The following POU1F1 variants were observed in gnomAD, a reference collection of about 807,000 sequenced individuals.
The protein encoded by POU1F1 is pituitary-specific positive transcription factor 1.
Under a neutral mutation model 32.3 loss-of-function variants are expected in POU1F1, and 23 were observed. That is an observed-to-expected ratio of 0.71 (90% CI 0.51 to 1.01). The LOEUF is 1.01. POU1F1 is among the 50% of genes least tolerant of loss of function. POU1F1 has a pLI of 0.00. For missense variants in POU1F1, 323 were observed against 341.6 expected (o/e 0.95, Z 0.43); for synonymous variants, 120 against 115.6 (o/e 1.04, Z -0.25).
intron 2 of POU1F1, among the ~76,000 whole-genome samples, chr3:87,266,985 A>G (rs1179949900): frequency 6.6e-6 from 1 of 152,128 alleles, no homozygotes; most frequent in Non-Finnish European, 1.5e-5. Context: ...AGTACAAAGA[A>G]AAGCCAGGCT....
intron 2 of POU1F1, among the ~76,000 whole-genome samples, chr3:87,273,098 A>G (rs879561809): frequency 8.5e-5 from 13 of 152,168 alleles, no homozygotes; most frequent in Non-Finnish European, 1.5e-4. Context: ...GAATTTCAAT[A>G]AAAACCATAC....
chr3:87,265,187 C>G (rs542264139), intron 2 of POU1F1, among the ~76,000 whole-genome samples: 1 of 151,698 alleles, frequency 6.6e-6, no homozygotes, highest in African/African-American at 2.4e-5. Context: ...CTTAAAAGTT[C>G]TATTAAAAAG....
chr3:87,276,440 G>A lies in POU1F1; in HGVS notation c.23C>T (p.Ser8Leu), dbSNP rs1312054803. The A allele has an allele frequency of 3.7e-6, 6 of 1,613,772 alleles. No individual in the cohort carries two copies. Among genetic ancestry groups the A allele is most frequent in the South Asian group, 1.1e-5 (1 of 91,070 alleles). Residue 8 changes from serine to leucine, a missense_variant, in exon 1 of 6, where the codon TCG (serine) becomes TTG (leucine). By Grantham distance (145) the Ser-to-Leu change is moderately radical (BLOSUM62 -2). Transcript: ENST00000350375. Reference sequence around the variant, plus strand: ...ATTCAGAGGTATAAAGGTATCAGCCGAAGTAAAAGCTTGGCAACTCATTCC... The same window carrying A: ...ATTCAGAGGTATAAAGGTATCAGCCAAAGTAAAAGCTTGGCAACTCATTCC... MSCQAFT[S>L]ADTFIPLNSD...
At chr3:87,264,561 C>T (rs1706581578) in intron 2 of POU1F1, 49 bp from the exon 3 acceptor site, 1 of 1,420,718 alleles carries the variant, frequency 7.0e-7, no homozygotes, top group East Asian at 2.3e-5. Context: ...TGTCATTCTC[C>T]TTATTTCTAT....
At chr3:87,265,903 A>C (rs916761339) in intron 2 of POU1F1, among the ~76,000 whole-genome samples, 2 of 151,778 alleles carry the variant, frequency 1.3e-5, no homozygotes, top group Non-Finnish European at 2.9e-5. Flanking sequence ...TATAAGCAAG[A>C]CATTTTTATA....
rs1415392829 is a variant in POU1F1, at chr3:87,259,434, A to T, written c.*460T>A. On this transcript the variant is annotated 3_prime_UTR_variant, in exon 6 of 6. Coordinates refer to ENST00000350375, the MANE Select transcript of POU1F1 (RefSeq NM_000306.4). ...GACACCTCCAGCTCTTAAGTTCAAA[A>T]CTTTTAGTTCAGACAAATTAGTAGA... The T allele has an allele frequency of 6.2e-6, 1 of 160,784 alleles. No homozygotes were observed. Among genetic ancestry groups the T allele is most frequent in the Non-Finnish European group, 1.4e-5 (1 of 73,958 alleles). 10.0% of individuals were successfully genotyped at this position (160,784 alleles called of 1,614,324 possible).
rs535275095 is a variant in POU1F1 at position 87,274,979 on chromosome 3, C to T, written c.142+1342G>A. ...ATTAGATTTTACTAGATTATTACCT[C>T]GATTCTGAATTGTATTTTCATGCTG... On this transcript the variant is annotated intron_variant, in intron 1 of 5. Coordinates refer to ENST00000350375, the MANE Select transcript of POU1F1 (RefSeq NM_000306.4). Among the ~76,000 whole-genome samples the T allele has an allele frequency of 1.1e-3, 168 of 151,866 alleles. 1 individual carries two copies. The highest frequency in any genetic ancestry group is 1.0e-3 in the Non-Finnish European group (71 of 67,792).
At chr3:87,264,637 T>G (rs1377826992) in intron 2 of POU1F1, 125 bp from the exon 3 acceptor site, 1 of 737,400 alleles carries the variant, frequency 1.4e-6, no homozygotes, top group African/African-American at 1.8e-5. Context: ...ACTTACAAGG[T>G]TACCTTACAT....
chr3:87,269,113 A>G (rs1164846789), intron 2 of POU1F1, among the ~76,000 whole-genome samples: 3 of 152,196 alleles, frequency 2.0e-5, no homozygotes, highest in Admixed American at 2.0e-4. Flanking sequence ...ATATTTCCAT[A>G]TATTCCCCTC....
chr3:87,276,296 T>A (rs769482604), intron 1 of POU1F1, 25 bp downstream of exon 1: 2 of 1,611,144 alleles, frequency 1.2e-6, no homozygotes, highest in Admixed American at 3.3e-5. Context: ...CCCGGTCATA[T>A]GTAAACTGTC....
At chr3:87,273,319 A>G (rs745918881) in intron 2 of POU1F1, 28 bp downstream of exon 2, 13 of 1,597,566 alleles carry the variant, frequency 8.1e-6, no homozygotes, top group South Asian at 1.1e-5. Flanking sequence ...CCCAAATTCA[A>G]TAACATGTAA....
intron 1 of POU1F1, 106 bp downstream of exon 1, chr3:87,276,215 G>A: frequency 1.5e-6 from 2 of 1,379,296 alleles, no homozygotes; most frequent in Admixed American, 3.4e-5. Context: ...TTAAATTGGA[G>A]GGGTAAAATG....
chr3:87,274,893 C>A (rs1293741668), intron 1 of POU1F1, among the ~76,000 whole-genome samples: 1 of 151,670 alleles, frequency 6.6e-6, no homozygotes, highest in African/African-American at 2.4e-5. Flanking sequence ...ACAGGATAGG[C>A]TAATTTACTA....
chr3:87,261,051 T>A (rs1279133264), intron 5 of POU1F1, among the ~76,000 whole-genome samples: 2 of 151,854 alleles, frequency 1.3e-5, no homozygotes, highest in East Asian at 3.9e-4. Context: ...GCTGGGATTA[T>A]AGGCACCCAC....
chr3:87,273,970 T>A (rs1706777328), intron 1 of POU1F1, among the ~76,000 whole-genome samples: 1 of 152,212 alleles, frequency 6.6e-6, no homozygotes, highest in Non-Finnish European at 1.5e-5. Context: ...GCAGAGCAAG[T>A]AGCCTTTTAT....
intron 2 of POU1F1, among the ~76,000 whole-genome samples, chr3:87,269,608 T>C (rs9822911): frequency 0.39 from 58,780 of 151,938 alleles, 11,885 homozygotes; most frequent in South Asian, 0.55. Context: ...ACTAGACTAT[T>C]TCTCCCTGTC....
At chr3:87,265,070 C>CT (rs955881283) in intron 2 of POU1F1, among the ~76,000 whole-genome samples, 5 of 151,846 alleles carry the variant, frequency 3.3e-5, no homozygotes, top group African/African-American at 9.7e-5. Flanking sequence ...ATAATCACAT[C>CT]TTTTTTAATT....
intron 2 of POU1F1, among the ~76,000 whole-genome samples, chr3:87,266,359 A>G (rs2106932698): frequency 6.8e-6 from 1 of 147,150 alleles, no homozygotes; most frequent in African/African-American, 2.5e-5. Flanking sequence ...ATGTGTAATT[A>G]TAAATATATA....
At chr3:87,267,335 G>T (rs1426900494) in intron 2 of POU1F1, among the ~76,000 whole-genome samples, 1 of 152,060 alleles carries the variant, frequency 6.6e-6, no homozygotes, top group Non-Finnish European at 1.5e-5. Context: ...TAAATAACTT[G>T]CCTCCAGTGC....
Sources: allele counts gnomAD v4.1 joint callset (sites outside exome capture counted in the v4.1 genomes callset), GRCh38; gene constraint gnomAD v4.1.1; transcripts MANE v1.5; gene names NCBI Gene and HGNC (gene_info 2026-07-23, HGNC 2026-07-21).